Variants in CACNA1C observed in about 807,000 individuals in gnomAD.
CACNA1C encodes the protein calcium voltage-gated channel subunit alpha1 C, also known as voltage-dependent L-type calcium channel subunit alpha-1C.
A neutral mutation model predicts 229.0 loss-of-function variants in CACNA1C; 30 were observed. That is an observed-to-expected ratio of 0.13 (90% CI 0.10 to 0.18). The LOEUF is 0.18. Among genes scored for constraint, CACNA1C ranks in the 10% least tolerant of loss-of-function variants. The probability of loss-of-function intolerance (pLI) is 1.00; values close to 1 mark genes in which losing one functional copy is unlikely to be tolerated. For missense variants in CACNA1C, 1,658 were observed against 2,845.0 expected (o/e 0.58, Z 9.49); for synonymous variants, 1,114 against 1,132.5 (o/e 0.98, Z 0.33).
At chr12:2,414,021 A>T (rs2098837412) in intron 3 of CACNA1C, among the ~76,000 whole-genome samples, 1 of 152,170 alleles carries the variant, frequency 6.6e-6, no homozygotes, top group Non-Finnish European at 1.5e-5. Context: ...CATAGCAGGG[A>T]TGCAACATTA....
In CACNA1C at chr12:2,666,506, T is replaced by C. The variant is rs1459408007; in HGVS notation, c.4527-180T>C. On this transcript the variant is annotated intron_variant, in intron 36 of 46. Coordinates refer to ENST00000399655, the MANE Select transcript of CACNA1C (RefSeq NM_000719.7). The surrounding 1 kb of genome is among the most constrained non-coding windows in gnomAD (Gnocchi z 5.3). Reference sequence around the variant, plus strand: ...AAATCTAAACACGTGTATATGTATATTGGTTTGGGGCTGTGTCATGCAATT... The same window carrying C: ...AAATCTAAACACGTGTATATGTATACTGGTTTGGGGCTGTGTCATGCAATT... 1.3e-5 allele frequency: 7 copies of C among 523,778 alleles called. No individual in the cohort carries two copies. The highest frequency in any genetic ancestry group is 2.4e-5 in the Non-Finnish European group (7 of 294,228). The allele number at this position is 523,778 out of a possible 1,614,324, so 32.4% of individuals were successfully genotyped here.
chr12:1,974,326 G>C (rs2033586060), intron 1 of CACNA1C, among the ~76,000 whole-genome samples: 1 of 152,066 alleles, frequency 6.6e-6, no homozygotes, highest in African/African-American at 2.4e-5. Flanking sequence ...CACCGCTTTT[G>C]TTCTCCTTCA....
At chr12:2,329,026 A>G (rs2096447234) in intron 3 of CACNA1C, among the ~76,000 whole-genome samples, 1 of 152,212 alleles carries the variant, frequency 6.6e-6, no homozygotes, top group Admixed American at 6.5e-5. Flanking sequence ...GATCAATGAC[A>G]GTATGGGCAT....
At chr12:2,186,623 A>T (rs1453883762) in intron 3 of CACNA1C, among the ~76,000 whole-genome samples, 1 of 152,170 alleles carries the variant, frequency 6.6e-6, no homozygotes, top group Non-Finnish European at 1.5e-5. Context: ...TGTTCATACC[A>T]TGTGCCTGGA....
chr12:2,479,259 G>A lies in CACNA1C; in HGVS notation c.758-6845G>A, dbSNP rs1294316488. On this transcript the variant is annotated intron_variant, in intron 5 of 46. Coordinates refer to ENST00000399655, the MANE Select transcript of CACNA1C (RefSeq NM_000719.7). The surrounding 1 kb of genome is among the most constrained non-coding windows in gnomAD (Gnocchi z 4.3). ...AGACAGGGTCTTGTTCTGTCACCCAGGCTGGAGTGCAGTAGTATGATCATA... is the reference window on the plus strand; with the variant it reads ...AGACAGGGTCTTGTTCTGTCACCCAAGCTGGAGTGCAGTAGTATGATCATA... Among the ~76,000 whole-genome samples the A allele has an allele frequency of 6.6e-6, 1 of 152,096 alleles. No homozygotes were observed. The highest frequency in any genetic ancestry group is 1.5e-5 in the Non-Finnish European group (1 of 68,016).
chr12:2,087,870 G>A (rs989060061), intron 1 of CACNA1C, among the ~76,000 whole-genome samples: 4 of 152,188 alleles, frequency 2.6e-5, no homozygotes, highest in African/African-American at 7.2e-5. Context: ...CATACTGAAC[G>A]TGTTTGTCTC....
At chr12:2,115,662 G>A (rs778229228) in intron 2 of CACNA1C, 117 bp downstream of exon 2, 61 of 917,156 alleles carry the variant, frequency 6.7e-5, no homozygotes, top group African/African-American at 1.3e-4. Flanking sequence ...ACGGGGCCTC[G>A]GGCCTACTGC....
intron 9 of CACNA1C, 112 bp downstream of exon 9, chr12:2,513,096 C>T (rs771128435): frequency 3.7e-4 from 277 of 739,876 alleles, no homozygotes; most frequent in Non-Finnish European, 4.9e-4. Context: ...CACGGGGTGC[C>T]TTCCTGGAGC....
At chr12:2,461,272 C>T (rs530752213) in intron 5 of CACNA1C, among the ~76,000 whole-genome samples, 14 of 152,268 alleles carry the variant, frequency 9.2e-5, no homozygotes, top group East Asian at 3.9e-4. Context: ...TACAGCTGAT[C>T]GCTCCTTGTC....
intron 29 of CACNA1C, 41 bp downstream of exon 29, chr12:2,612,054 G>C (rs775348913): frequency 1.6e-6 from 2 of 1,231,538 alleles, no homozygotes; most frequent in Admixed American, 3.4e-5. Flanking sequence ...AGGCATCAGG[G>C]GTGGACAGAA....
chr12:2,617,537 G>A (rs1429385665), intron 29 of CACNA1C, among the ~76,000 whole-genome samples: 2 of 152,256 alleles, frequency 1.3e-5, no homozygotes, highest in East Asian at 1.9e-4. Context: ...CTCGTATCCA[G>A]TGTGCCCATG....
chr12:2,351,788 C>T (rs2097208620), intron 3 of CACNA1C, among the ~76,000 whole-genome samples: 1 of 152,122 alleles, frequency 6.6e-6, no homozygotes, highest in Non-Finnish European at 1.5e-5. Flanking sequence ...CAGGTGCTTC[C>T]TTGGGCTGCC....
intron 3 of CACNA1C, among the ~76,000 whole-genome samples, chr12:2,190,854 A>G (rs1223804278): frequency 6.6e-6 from 1 of 152,202 alleles, no homozygotes; most frequent in African/African-American, 2.4e-5. Flanking sequence ...AGGCTGTGCC[A>G]TCCTCTCAGG....
intron 3 of CACNA1C, among the ~76,000 whole-genome samples, chr12:2,254,648 C>G (rs1241355287): frequency 3.3e-5 from 5 of 152,070 alleles, no homozygotes; most frequent in African/African-American, 9.7e-5. Flanking sequence ...TAACACCTGC[C>G]CGTGGGATAA....
At chr12:2,372,652 T>A (rs969311061) in intron 3 of CACNA1C, among the ~76,000 whole-genome samples, 4 of 150,712 alleles carry the variant, frequency 2.7e-5, no homozygotes, top group African/African-American at 9.8e-5. Flanking sequence ...CCTGAAAAAA[T>A]AAAGCAATGG....
chr12:2,232,938 T>A (rs1176433440), intron 3 of CACNA1C, among the ~76,000 whole-genome samples: 1 of 152,174 alleles, frequency 6.6e-6, no homozygotes, highest in Non-Finnish European at 1.5e-5. Flanking sequence ...CCCCCAACCT[T>A]TCTCAAGTGT....
In CACNA1C at chr12:2,215,515, C is replaced by T. The variant is rs7487208; in HGVS notation, c.477+95085C>T. The stretch of plus-strand genomic sequence containing the variant: ...GGGCCTGATTCCTCCAGCTCATGCT[C>T]TGTCTTTCCTCAGAGCTCCTACCAC... On this transcript the variant is annotated intron_variant, in intron 3 of 46. Transcript: ENST00000399655. This position sits in a 1 kb window ranked among gnomAD's most constrained non-coding sequence, Gnocchi z 5.0. 2.8e-3 allele frequency among the ~76,000 whole-genome samples: 431 copies of T among 152,334 alleles called. No individual in the cohort carries two copies. The highest frequency in any genetic ancestry group is 9.6e-3 in the African/African-American group (399 of 41,582).
chr12:1,986,660 T>C (rs1203289148), intron 1 of CACNA1C, among the ~76,000 whole-genome samples: 1 of 79,664 alleles, frequency 1.3e-5, no homozygotes, highest in African/African-American at 7.6e-5. Context: ...TTCTCTCAGG[T>C]TTTGTTATTT....
At chr12:2,397,367 T>G (rs1029989572) in intron 3 of CACNA1C, among the ~76,000 whole-genome samples, 7 of 152,054 alleles carry the variant, frequency 4.6e-5, no homozygotes, top group African/African-American at 1.7e-4. Context: ...CAGGTAAGAG[T>G]GGGAGCTCAG....
Sources: allele counts gnomAD v4.1 joint callset (sites outside exome capture counted in the v4.1 genomes callset), GRCh38; gene constraint gnomAD v4.1.1; non-coding constraint Gnocchi (gnomAD v3.1); transcripts MANE v1.5; gene names NCBI Gene and HGNC (gene_info 2026-07-23, HGNC 2026-07-21).